CAPN15: variants seen among roughly 807,000 people sequenced by gnomAD.
CAPN15 encodes calpain-15.
CAPN15 carries 53 observed loss-of-function variants against 97.9 expected under a neutral mutation model. The observed-to-expected ratio is 0.54, with a 90% CI of 0.43 to 0.68. The LOEUF is 0.68. Ranked by LOEUF, CAPN15 falls within the 30% of genes least tolerant of loss-of-function variation. CAPN15 has a pLI of 0.00. For missense variants in CAPN15, 1,592 were observed against 1,589.8 expected (o/e 1.00, Z -0.02); for synonymous variants, 922 against 722.5 (o/e 1.28, Z -4.43).
chr16:545,253 G>A (rs1419240766), intron 3 of CAPN15, among the ~76,000 whole-genome samples: 35 of 152,102 alleles, frequency 2.3e-4, no homozygotes, highest in Non-Finnish European at 1.0e-4. Context: ...CAGAGGTGAG[G>A]GTGGCCCTAG....
chr16:547,045 C>A lies in CAPN15; in HGVS notation c.207C>A (p.Phe69Leu), dbSNP rs1214967489. 6.2e-7 allele frequency: 1 copy of A among 1,607,328 alleles called. No homozygotes were observed. The highest frequency in any genetic ancestry group is 2.2e-5 in the East Asian group (1 of 44,782). Residue 69 changes from phenylalanine (F) to leucine (L), a missense_variant, in exon 4 of 14, where the codon TTC becomes TTA. Transcript: ENST00000219611. The part of the protein sequence containing the change: ...LGKEACEVCG[F>L]TPEPAPGAAF... ...AGGAGGCCTGCGAGGTGTGCGGCTT[C>A]ACCCCGGAGCCTGCGCCTGGGGCTG...
At position 544,810 on chromosome 16, in the gene CAPN15, G is replaced by T. The variant is rs1441118956; in HGVS notation, c.-22-2007G>T. Among the ~76,000 whole-genome samples, 31 of 49,280 alleles carry T rather than the reference G, an allele frequency of 6.3e-4. 4 individuals are homozygous for T. The South Asian group carries it at 0.038, about 60-fold the overall frequency. 32.3% of individuals were successfully genotyped at this position (49,280 alleles called of 152,430 possible). ...CCCACGTCGTCGTCTCCCCCACGTC[G>T]CCTCCCCCACGTCGCCTCCCCCACG... is the stretch of plus-strand genomic sequence containing the variant. On this transcript the variant is annotated intron_variant, in intron 3 of 13. Coordinates refer to ENST00000219611, the MANE Select transcript of CAPN15 (RefSeq NM_005632.3).
At chr16:533,614 G>C (rs1001495375) in intron 1 of CAPN15, among the ~76,000 whole-genome samples, 14 of 152,304 alleles carry the variant, frequency 9.2e-5, no homozygotes, top group African/African-American at 3.1e-4. Flanking sequence ...CCTTGTAGCA[G>C]GGTCGGGCCG....
chr16:552,697 C>A lies in CAPN15; in HGVS notation c.2830C>A (p.Pro944Thr). The A allele has an allele frequency of 6.5e-7, 1 of 1,544,220 alleles. No homozygotes were observed. Residue 944 changes from proline (P) to threonine (T), a missense_variant, in exon 12 of 14, where the codon CCC becomes ACC. By Grantham distance (38) the Pro-to-Thr change is conservative. Transcript: ENST00000219611. The surrounding 1 kb of genome is among the most constrained non-coding windows in gnomAD (Gnocchi z 6.4). ...CAGCTCGAGGCTGGTCATGGTGGAGCCCGTGGAAGCCCAGCCGACCACGCT... is the reference window on the plus strand; with the variant it reads ...CAGCTCGAGGCTGGTCATGGTGGAGACCGTGGAAGCCCAGCCGACCACGCT... ...VYSSRLVMVE[P>T]VEAQPTTLAD...
chr16:534,662 G>A (rs1277798943), intron 2 of CAPN15, among the ~76,000 whole-genome samples: 2 of 152,232 alleles, frequency 1.3e-5, no homozygotes, highest in African/African-American at 4.8e-5. Context: ...TCCCGGTAGT[G>A]GCTGGCTCTT....
chr16:541,449 G>T (rs1434265514), intron 3 of CAPN15, among the ~76,000 whole-genome samples: 1 of 152,220 alleles, frequency 6.6e-6, no homozygotes, highest in Non-Finnish European at 1.5e-5. Context: ...GCAAAGGCAG[G>T]GCCGGGGAGG....
chr16:537,208 C>T (rs138337863), intron 3 of CAPN15: 34 of 985,526 alleles, frequency 3.4e-5, no homozygotes, highest in Non-Finnish European at 4.0e-5. Context: ...GGCCTCCCTC[C>T]TGTCCAGATG....
chr16:531,440 A>G (rs1368883831), intron 1 of CAPN15, among the ~76,000 whole-genome samples: 1 of 145,102 alleles, frequency 6.9e-6, no homozygotes, highest in Non-Finnish European at 1.5e-5. Flanking sequence ...CCCACTCCCT[A>G]CCCCCCACCT....
rs1160996244 is a variant in CAPN15 at position 549,357 on chromosome 16, C to T, written c.1728C>T (p.Ser576=). The T allele has an allele frequency of 6.3e-7, 1 of 1,597,188 alleles. No homozygotes were observed. Among genetic ancestry groups the T allele is most frequent in the Non-Finnish European group, 8.5e-7 (1 of 1,178,026 alleles). The change falls in exon 6 of 14, where the codon AGC becomes AGT. Residue 576 remains serine, a synonymous_variant. Transcript: ENST00000219611. Reference sequence around the variant, plus strand: ...TGGAGCGGGTGATGGTCACGCGCAGCCTGTGTGCAGAGGGCGCCTACCAGG... The same window carrying T: ...TGGAGCGGGTGATGGTCACGCGCAGTCTGTGTGCAGAGGGCGCCTACCAGG... ...DLVERVMVTR[S]LCAEGAYQVR...
At position 547,658 on chromosome 16, in the gene CAPN15, G is replaced by GC; in HGVS notation, c.826dup (p.Gln276ProfsTer45). On this transcript the variant is annotated frameshift_variant, in exon 4 of 14. Coordinates refer to ENST00000219611, the MANE Select transcript of CAPN15 (RefSeq NM_005632.3). LOFTEE classifies it high-confidence loss of function. ...GTCACCCTCTGCCGGCTGCAGGGGAGCCCCCCAGGGCTCGGGCTGGGCTGG... is the reference window on the plus strand; with the variant it reads ...GTCACCCTCTGCCGGCTGCAGGGGAGCCCCCCCAGGGCTCGGGCTGGGCTGG... 2 of 1,573,174 alleles carry GC rather than the reference G, an allele frequency of 1.3e-6. No individual in the cohort carries two copies. Among genetic ancestry groups the GC allele is most frequent in the Non-Finnish European group, 1.7e-6 (2 of 1,159,228 alleles).
intron 3 of CAPN15, chr16:537,847 C>G (rs958762381): frequency 1.3e-5 from 2 of 152,348 alleles, no homozygotes; most frequent in African/African-American, 4.8e-5. Context: ...TTCGAGACCC[C>G]GTGGACCTCG....
intron 7 of CAPN15, among the ~76,000 whole-genome samples, chr16:550,916 A>AGTGAGGGTCCCCTTTCG (rs1298622063): frequency 1.6e-5 from 1 of 63,546 alleles, no homozygotes; most frequent in Non-Finnish European, 2.7e-5. Flanking sequence ...GGTCCCGGTC[A>AGTGAGGGTCCCCTTTCG]GTGAGGGTCC....
intron 1 of CAPN15, among the ~76,000 whole-genome samples, chr16:529,869 G>A (rs1210884852): frequency 6.6e-6 from 1 of 152,194 alleles, no homozygotes; most frequent in African/African-American, 2.4e-5. Flanking sequence ...CACGGAGGGT[G>A]GGCTTGGGTG....
At position 553,731 on chromosome 16, in the gene CAPN15, C is replaced by T. The variant is rs968819939; in HGVS notation, c.*215C>T. 1.1e-5 allele frequency: 5 copies of T among 465,956 alleles called. No individual in the cohort carries two copies. Among genetic ancestry groups the T allele is most frequent in the African/African-American group, 8.0e-5 (4 of 50,186 alleles). 28.9% of individuals were successfully genotyped at this position (465,956 alleles called of 1,614,324 possible). Reference sequence around the variant, plus strand: ...GCCTGGCCAGGCCTCCTGGCCGCCACGCAGAATACCTCGAACCAGGCGGGC... The same window carrying T: ...GCCTGGCCAGGCCTCCTGGCCGCCATGCAGAATACCTCGAACCAGGCGGGC... On this transcript the variant is annotated 3_prime_UTR_variant, in exon 14 of 14. Coordinates refer to ENST00000219611, the MANE Select transcript of CAPN15 (RefSeq NM_005632.3).
In CAPN15 at chr16:547,964, G is replaced by A. The variant is rs757667839; in HGVS notation, c.1126G>A (p.Glu376Lys). ...SKLHGFQEHG[E>K]PPTHCPDCGA... The stretch of plus-strand genomic sequence containing the variant: ...ACTGCACGGCTTCCAGGAGCATGGC[G>A]AGCCCCCCACCCACTGCCCCGACTG... Residue 376 changes from glutamate (E) to lysine (K), a missense_variant, in exon 4 of 14, where the codon GAG (glutamate) becomes AAG (lysine). Glu to Lys is a moderately conservative substitution (Grantham distance 56). Transcript: ENST00000219611. 8.2e-6 allele frequency: 13 copies of A among 1,587,204 alleles called. No homozygotes were observed. The highest frequency in any genetic ancestry group is 7.0e-5 in the East Asian group (3 of 42,938).
Position 552,172 on chromosome 16 carries a change from C to T in CAPN15, c.2467C>T (p.Arg823Trp), listed in dbSNP as rs762422557. ...GGTAACAGCGCTCACGGTGCTGGAG[C>T]GGGCCTCGCTGGAGTTCGCGCTCTT... Reference protein sequence around the residue: ...VGVTALTVLERASLEFALFQE... With the variant: ...VGVTALTVLEWASLEFALFQE... The change falls in exon 10 of 14, where the codon CGG becomes TGG. Residue 823 changes from arginine to tryptophan, a missense_variant. Arg to Trp is a moderately radical substitution (Grantham distance 101). Around this residue, in one of 3 missense-constraint regions of CAPN15, gnomAD observed 644 missense variants for 699.6 expected, o/e 0.92. Coordinates refer to ENST00000219611, the MANE Select transcript of CAPN15 (RefSeq NM_005632.3). This position sits in a 1 kb window ranked among gnomAD's most constrained non-coding sequence, Gnocchi z 6.4. 8.0e-5 allele frequency: 123 copies of T among 1,541,002 alleles called. No homozygotes were observed. The highest frequency in any genetic ancestry group is 1.6e-4 in the Admixed American group (8 of 50,416).
At position 552,807 on chromosome 16, in the gene CAPN15, AG is replaced by A; in HGVS notation, c.2904+41del. 3.7e-6 allele frequency: 3 copies of A among 806,872 alleles called. No homozygotes were observed. The highest frequency in any genetic ancestry group is 5.6e-6 in the Non-Finnish European group (3 of 532,054). 50.0% of individuals were successfully genotyped at this position (806,872 alleles called of 1,614,324 possible). On this transcript the variant is annotated intron_variant, in intron 12 of 13. Transcript: ENST00000219611. This position sits in a 1 kb window ranked among gnomAD's most constrained non-coding sequence, Gnocchi z 6.4. ...GTCCCGGGGGAGGGTGGCGTGGGGC[AG>A]GGGGAGTATGCCCCAGCACCTCCCC...
chr16:547,445 G>C lies in CAPN15; in HGVS notation c.607G>C (p.Gly203Arg), dbSNP rs1394967532. The C allele has an allele frequency of 1.3e-6, 2 of 1,588,392 alleles. No homozygotes were observed. Among genetic ancestry groups the C allele is most frequent in the Non-Finnish European group, 1.7e-6 (2 of 1,174,652 alleles). The change falls in exon 4 of 14, where the codon GGC becomes CGC. Residue 203 changes from glycine (G) to arginine (R), a missense_variant. Gly to Arg is a moderately radical substitution (Grantham distance 125). Coordinates refer to ENST00000219611, the MANE Select transcript of CAPN15 (RefSeq NM_005632.3). ...FHVVPAAPPP[G>R]LPGEGAEANP... The stretch of plus-strand genomic sequence containing the variant: ...CGTCGTGCCTGCCGCGCCTCCACCT[G>C]GCCTCCCCGGGGAAGGTGCCGAGGC...
intron 3 of CAPN15, among the ~76,000 whole-genome samples, chr16:543,563 C>T (rs1364857440): frequency 6.6e-6 from 1 of 152,198 alleles, no homozygotes; most frequent in Non-Finnish European, 1.5e-5. Flanking sequence ...CCTGGGGCCA[C>T]TCCTGCCCGT....
Sources: gnomAD v4.1 joint callset for allele counts (sites outside exome capture counted in the v4.1 genomes callset) on GRCh38, gnomAD v4.1.1 for gene constraint, gnomAD v4.1.1 regional missense constraint, Gnocchi (gnomAD v3.1) non-coding constraint, MANE v1.5 for transcripts, NCBI Gene and HGNC (gene_info 2026-07-23, HGNC 2026-07-21) for gene names.